TAFA1: variants seen among roughly 807,000 people sequenced by gnomAD.
The protein encoded by TAFA1 is chemokine-like protein TAFA-1.
A neutral mutation model predicts 18.5 loss-of-function variants in TAFA1; 4 were observed. The observed-to-expected ratio is 0.22, with a 90% CI of 0.11 to 0.49. The LOEUF (loss-of-function observed/expected upper bound fraction) is 0.49. Ranked by LOEUF, TAFA1 falls within the 20% of genes least tolerant of loss-of-function variation. The pLI is 0.98. For synonymous variants in TAFA1, 56 were observed against 55.2 expected, an observed-to-expected ratio of 1.01 and a Z score of -0.06; for missense variants, 147 against 169.0, an observed-to-expected ratio of 0.87 and a Z score of 0.72.
chr3:68,489,616 T>C (rs1240590244), intron 3 of TAFA1, among the ~76,000 whole-genome samples: 1 of 152,162 alleles, frequency 6.6e-6, no homozygotes, highest in Non-Finnish European at 1.5e-5. Flanking sequence ...TAAAACATTC[T>C]TCTTTTTCAC....
intron 2 of TAFA1, among the ~76,000 whole-genome samples, chr3:68,331,321 G>A (rs766098323): frequency 4.6e-5 from 7 of 152,144 alleles, no homozygotes; most frequent in Non-Finnish European, 1.0e-4. Context: ...AAGGGTACAA[G>A]TTCTCCTTTT....
intron 2 of TAFA1, among the ~76,000 whole-genome samples, chr3:68,095,393 G>A (rs1446010932): frequency 6.6e-6 from 1 of 152,106 alleles, no homozygotes; most frequent in East Asian, 1.9e-4. Context: ...TGCTATTCAA[G>A]CCTGTAGGCA....
At chr3:68,411,172 C>G (rs995440209) in intron 2 of TAFA1, among the ~76,000 whole-genome samples, 28 of 152,118 alleles carry the variant, frequency 1.8e-4, no homozygotes, top group African/African-American at 6.8e-4. Flanking sequence ...AATTGTATGT[C>G]ATTTTATGTC....
chr3:68,244,406 A>T (rs1444426916), intron 2 of TAFA1, among the ~76,000 whole-genome samples: 2 of 152,028 alleles, frequency 1.3e-5, no homozygotes, highest in African/African-American at 4.8e-5. Flanking sequence ...TATGACCATG[A>T]TCCATTTTAG....
At chr3:68,488,329 G>A (rs1441204717) in intron 3 of TAFA1, among the ~76,000 whole-genome samples, 1 of 152,186 alleles carries the variant, frequency 6.6e-6, no homozygotes, top group African/African-American at 2.4e-5. Context: ...ACGTTCTTCT[G>A]TCTGCTTTTA....
intron 3 of TAFA1, among the ~76,000 whole-genome samples, chr3:68,430,513 T>C: frequency 6.6e-6 from 1 of 151,938 alleles, no homozygotes; most frequent in East Asian, 1.9e-4. Flanking sequence ...GAGGGGGCAA[T>C]AAAGGAATCT....
chr3:68,208,571 T>C (rs2107060372), intron 2 of TAFA1, among the ~76,000 whole-genome samples: 1 of 152,136 alleles, frequency 6.6e-6, no homozygotes, highest in South Asian at 2.1e-4. Context: ...TAGAGCCTTC[T>C]GGTTTTTGAA....
chr3:68,530,754 T>C (rs1437426364), intron 3 of TAFA1, among the ~76,000 whole-genome samples: 2 of 152,062 alleles, frequency 1.3e-5, no homozygotes, highest in South Asian at 2.1e-4. Flanking sequence ...AATCAAGTAA[T>C]GAGTAGCTCA....
chr3:68,074,892 G>A (rs2064805603), intron 2 of TAFA1, among the ~76,000 whole-genome samples: 1 of 152,202 alleles, frequency 6.6e-6, no homozygotes, highest in Admixed American at 6.5e-5. Context: ...CATACAGAAT[G>A]TTGCATTTCT....
chr3:68,280,246 C>T (rs894343090), intron 2 of TAFA1, among the ~76,000 whole-genome samples: 2 of 152,284 alleles, frequency 1.3e-5, no homozygotes, highest in African/African-American at 4.8e-5. Flanking sequence ...AACACTGATA[C>T]TGGACTGAGA....
chr3:67,992,887 C>G, the TAFA1 span, among the ~76,000 whole-genome samples: 2 of 152,200 alleles, frequency 1.3e-5, no homozygotes, highest in Non-Finnish European at 1.5e-5. Context: ...CCCTCCTCCC[C>G]TGTGTTCTTC....
intron 2 of TAFA1, among the ~76,000 whole-genome samples, chr3:68,018,347 T>C (rs1201740856): frequency 2.0e-5 from 3 of 152,196 alleles, no homozygotes; most frequent in African/African-American, 7.2e-5. Flanking sequence ...TTGTTATCTT[T>C]GTGCAATGAA....
At chr3:68,240,889 A>AC (rs1481321465) in intron 2 of TAFA1, among the ~76,000 whole-genome samples, 1 of 152,206 alleles carries the variant, frequency 6.6e-6, no homozygotes, top group African/African-American at 2.4e-5. Context: ...ACAGAGAGCA[A>AC]CTTAACCATG....
intron 2 of TAFA1, among the ~76,000 whole-genome samples, chr3:68,280,270 T>C (rs560922159): frequency 1.3e-5 from 2 of 152,286 alleles, no homozygotes; most frequent in South Asian, 4.2e-4. Context: ...TAATTGTCCA[T>C]CACTCTTTTC....
At chr3:68,092,134 C>G (rs2065037138) in intron 2 of TAFA1, among the ~76,000 whole-genome samples, 1 of 152,134 alleles carries the variant, frequency 6.6e-6, no homozygotes, top group Non-Finnish European at 1.5e-5. Context: ...CATCAGCTCT[C>G]CCTCATTGCA....
intron 2 of TAFA1, among the ~76,000 whole-genome samples, chr3:68,295,109 C>CCACATATTTGCT (rs112993124): frequency 6.7e-6 from 1 of 148,336 alleles, no homozygotes; most frequent in African/African-American, 2.5e-5. Flanking sequence ...CCTCCTGAGC[C>CCACATATTTGCT]CTAACAGTTG....
chr3:68,311,982 TC>T (rs1012978349), intron 2 of TAFA1, among the ~76,000 whole-genome samples: 11 of 152,322 alleles, frequency 7.2e-5, no homozygotes, highest in Admixed American at 5.2e-4. Context: ...AGATGGAGGT[TC>T]CCAAACCCCA....
intron 3 of TAFA1, among the ~76,000 whole-genome samples, chr3:68,502,857 A>G (rs531493678): frequency 6.6e-6 from 1 of 152,296 alleles, no homozygotes; most frequent in East Asian, 1.9e-4. Flanking sequence ...GAAGACATGT[A>G]TTCAGACCAA....
chr3:68,129,122 G>A (rs1168501719), intron 2 of TAFA1, among the ~76,000 whole-genome samples: 1 of 152,168 alleles, frequency 6.6e-6, no homozygotes, highest in African/African-American at 2.4e-5. Context: ...AAGGGCGAGT[G>A]GGGCAGGAGG....
Sources: allele counts gnomAD v4.1 joint callset (sites outside exome capture counted in the v4.1 genomes callset), GRCh38; gene constraint gnomAD v4.1.1; transcripts MANE v1.5; gene names NCBI Gene and HGNC (gene_info 2026-07-23, HGNC 2026-07-21).